CTBP2: variants seen among roughly 807,000 people sequenced by gnomAD.
The protein encoded by CTBP2 is C-terminal binding protein 2, also known as C-terminal-binding protein 2.
CTBP2 carries 30 observed loss-of-function variants against 80.3 expected under a neutral mutation model. The ratio of observed to expected loss-of-function variants is 0.37; its 90% CI spans 0.28 to 0.51. CTBP2 has a LOEUF of 0.51. Among genes scored for constraint, CTBP2 ranks in the 20% least tolerant of loss-of-function variants. CTBP2 has a pLI of 0.93. For missense variants in CTBP2, 1,212 were observed against 1,375.3 expected (o/e 0.88, Z 1.88); for synonymous variants, 594 against 587.4 (o/e 1.01, Z -0.16).
chr10:124,989,560 G>A lies in CTBP2; in HGVS notation c.2916C>T (p.Pro972=), dbSNP rs367739342. 2.5e-6 allele frequency: 4 copies of A among 1,613,386 alleles called. No homozygotes were observed. In the African/African-American group the frequency reaches 5.3e-5, roughly 22 times the overall value. The change falls in exon 9 of 9, where the codon CCC becomes CCT. Residue 972 remains proline (P), a synonymous_variant. Transcript: ENST00000309035. Reference sequence around the variant, plus strand: ...GCTCTCGATTGTCCCCGTGTTTTGTGGGCTGGTTGGGAGAGGGCGCTTGGG... The same window carrying A: ...GCTCTCGATTGTCCCCGTGTTTTGTAGGCTGGTTGGGAGAGGGCGCTTGGG...
chr10:125,005,936 A>G, intron 1 of CTBP2: 1 of 1,501,802 alleles, frequency 6.7e-7, no homozygotes, highest in African/African-American at 1.4e-5. Flanking sequence ...TGGTAGCCAC[A>G]CAGGAAAACC....
intron 2 of CTBP2, among the ~76,000 whole-genome samples, chr10:125,058,127 G>A (rs898593146): frequency 2.0e-5 from 3 of 151,938 alleles, no homozygotes; most frequent in Admixed American, 1.3e-4. Context: ...GAGCCCTGAC[G>A]GGGAGAAACT....
intron 1 of CTBP2, among the ~76,000 whole-genome samples, chr10:125,111,767 A>T (rs1040606191): frequency 1.3e-5 from 2 of 152,200 alleles, no homozygotes; most frequent in Non-Finnish European, 1.5e-5. Context: ...ACATCATCCG[A>T]ACTACTTCCT....
In CTBP2 at chr10:125,118,551, C is replaced by T. The variant is rs978454934; in HGVS notation, c.-205-7458G>A. ...CTGCATTCCCACACCCAAAGCTGCC[C>T]GTGGGCCATGGAAGCAGAGGCAGCC... On this transcript the variant is annotated intron_variant, in intron 1 of 10. Transcript: ENST00000337195. Among the ~76,000 whole-genome samples, 5 of 152,124 alleles carry T rather than the reference C, an allele frequency of 3.3e-5. No homozygotes were observed. In the South Asian group the frequency reaches 1.0e-3, roughly 32 times the overall value.
intron 1 of CTBP2, among the ~76,000 whole-genome samples, chr10:125,012,503 G>A (rs932589689): frequency 2.1e-4 from 32 of 152,194 alleles, no homozygotes; most frequent in Admixed American, 8.5e-4. Flanking sequence ...TCTTCCTGCC[G>A]GCACGCCAAG....
At chr10:125,029,096 T>A (rs762648997), upstream of CTBP2, among the ~76,000 whole-genome samples, 1 of 152,172 alleles carries the variant, frequency 6.6e-6, no homozygotes, top group African/African-American at 2.4e-5. Flanking sequence ...GCTGTATACA[T>A]TGAAAGCACT....
At chr10:125,102,075 C>T (rs969880088) in intron 2 of CTBP2, among the ~76,000 whole-genome samples, 6 of 152,150 alleles carry the variant, frequency 3.9e-5, no homozygotes, top group African/African-American at 1.4e-4. Flanking sequence ...TGTTAAGCCC[C>T]GTTCAGTACT....
chr10:125,026,043 C>G (rs752730242), intron 1 of CTBP2: 1 of 1,533,828 alleles, frequency 6.5e-7, no homozygotes, highest in Non-Finnish European at 8.8e-7. Context: ...CCTGCTCCCC[C>G]CAGGTCCCCA....
chr10:125,045,850 A>G (rs12243317), intron 2 of CTBP2, among the ~76,000 whole-genome samples: 42,051 of 151,978 alleles, frequency 0.28, 6,142 homozygotes, highest in Admixed American at 0.36. Context: ...AAGAAAGGCT[A>G]GGGAGCTCAT....
chr10:124,986,743 C>G lies in CTBP2; in HGVS notation c.*2775G>C, dbSNP rs1466431683. 1 of 152,140 alleles carries G rather than the reference C, an allele frequency of 6.6e-6. No homozygotes were observed. Among genetic ancestry groups the G allele is most frequent in the African/African-American group, 2.4e-5 (1 of 41,438 alleles). 9.4% of individuals were successfully genotyped at this position (152,140 alleles called of 1,614,324 possible). A position where few individuals can be genotyped will look rare whatever the true frequency, so the allele number is the denominator to read the frequency against. On this transcript the variant is annotated 3_prime_UTR_variant, in exon 9 of 9. Transcript: ENST00000309035. ...CTACTTAGCATCTGTAGTAATTTCT[C>G]TATGTATAGGGATAATTTTTTAGTG...
intron 1 of CTBP2, among the ~76,000 whole-genome samples, chr10:125,153,617 T>G (rs1476740924): frequency 1.3e-5 from 2 of 152,150 alleles, no homozygotes; most frequent in African/African-American, 4.8e-5. Context: ...CACACACACC[T>G]GCGGCAGGTA....
chr10:125,063,518 C>G (rs149939797), intron 2 of CTBP2, among the ~76,000 whole-genome samples: 1 of 152,166 alleles, frequency 6.6e-6, no homozygotes, highest in Non-Finnish European at 1.5e-5. Context: ...GTGGCAAAAC[C>G]GTTAAGTTTC....
intron 2 of CTBP2, among the ~76,000 whole-genome samples, chr10:125,069,587 A>C (rs1371905862): frequency 6.6e-6 from 1 of 152,194 alleles, no homozygotes; most frequent in Non-Finnish European, 1.5e-5. Flanking sequence ...GCCATTGCAC[A>C]CCAGCCTGGG....
intron 1 of CTBP2, among the ~76,000 whole-genome samples, chr10:125,023,063 G>A (rs1241759307): frequency 1.3e-5 from 2 of 152,162 alleles, no homozygotes; most frequent in African/African-American, 4.8e-5. Flanking sequence ...GACCAGCTCT[G>A]GTGACAGGTA....
At chr10:125,088,995 A>G (rs1331006728) in intron 2 of CTBP2, among the ~76,000 whole-genome samples, 2 of 152,226 alleles carry the variant, frequency 1.3e-5, no homozygotes, top group Non-Finnish European at 2.9e-5. Context: ...TCTAGCTGGG[A>G]TTCACAAATT....
chr10:125,076,078 T>C (rs1846231231), intron 2 of CTBP2, among the ~76,000 whole-genome samples: 1 of 152,176 alleles, frequency 6.6e-6, no homozygotes, highest in Non-Finnish European at 1.5e-5. Context: ...AATGGAACCG[T>C]ACACAGAAAT....
At chr10:125,019,046 T>C (rs1284388032) in intron 1 of CTBP2, among the ~76,000 whole-genome samples, 1 of 152,256 alleles carries the variant, frequency 6.6e-6, no homozygotes, top group Non-Finnish European at 1.5e-5. Context: ...TGGCAAAAGT[T>C]GTTTTATTCA....
chr10:125,101,262 C>T (rs534977193), intron 2 of CTBP2, among the ~76,000 whole-genome samples: 1 of 152,352 alleles, frequency 6.6e-6, no homozygotes, highest in South Asian at 2.1e-4. Flanking sequence ...GTGTGGCTCT[C>T]GAGAGAAAGC....
At chr10:125,137,799 T>C (rs1857190525) in intron 1 of CTBP2, among the ~76,000 whole-genome samples, 1 of 152,212 alleles carries the variant, frequency 6.6e-6, no homozygotes, top group Non-Finnish European at 1.5e-5. Context: ...TTCCTGCTTT[T>C]GTACTAATCT....
Sources: gnomAD v4.1 joint callset for allele counts (sites outside exome capture counted in the v4.1 genomes callset) on GRCh38, gnomAD v4.1.1 for gene constraint, MANE v1.5 for transcripts, NCBI Gene and HGNC (gene_info 2026-07-23, HGNC 2026-07-21) for gene names.